LPP: variants seen among roughly 807,000 people sequenced by gnomAD.
LPP encodes LIM domain containing preferred translocation partner in lipoma.
LPP carries 38 observed loss-of-function variants against 60.4 expected under a neutral mutation model. The ratio of observed to expected loss-of-function variants is 0.63; its 90% CI spans 0.49 to 0.83. LPP has a LOEUF of 0.83. Ranked by LOEUF, LPP falls within the 40% of genes least tolerant of loss-of-function variation. The pLI, the probability that LPP is intolerant of heterozygous loss-of-function variation, is 0.00. For missense variants in LPP, 902 were observed against 783.6 expected, an observed-to-expected ratio of 1.15 and a Z score of -1.80; for synonymous variants, 328 against 290.8, an observed-to-expected ratio of 1.13 and a Z score of -1.30.
intron 2 of LPP, among the ~76,000 whole-genome samples, chr3:188,284,066 C>T (rs1255516990): frequency 6.6e-6 from 1 of 152,062 alleles, no homozygotes; most frequent in Non-Finnish European, 1.5e-5. Context: ...GGTTGCACTT[C>T]TCTAGGCACA....
At position 188,195,917 on chromosome 3, in the gene LPP, C is replaced by T. The variant is rs183138393; in HGVS notation, c.-189-29488C>T. Among the ~76,000 whole-genome samples, 16 of 152,258 alleles carry T rather than the reference C, an allele frequency of 1.1e-4. No homozygotes were observed. In the East Asian group the frequency reaches 1.9e-3, roughly 18 times the overall value. On this transcript the variant is annotated intron_variant, in intron 1 of 11. Coordinates refer to ENST00000617246, the MANE Select transcript of LPP (RefSeq NM_001375462.1). ...TTATACGGACATGCTTTTCTGAGAG[C>T]GTGGCATCTCGCTTCTTTACTCCTC...
intron 1 of LPP, among the ~76,000 whole-genome samples, chr3:188,162,941 G>A (rs570764520): frequency 6.6e-6 from 1 of 152,224 alleles, no homozygotes; most frequent in South Asian, 2.1e-4. Flanking sequence ...TTTTCTCCAC[G>A]TATTCATTTT....
intron 2 of LPP, among the ~76,000 whole-genome samples, chr3:188,241,186 A>C (rs1724603303): frequency 6.6e-6 from 1 of 152,200 alleles, no homozygotes; most frequent in Admixed American, 6.5e-5. Flanking sequence ...GGTGGTGGGT[A>C]TGGATAGAAC....
intron 3 of LPP, among the ~76,000 whole-genome samples, chr3:188,355,335 G>A (rs1767288712): frequency 6.6e-6 from 1 of 152,116 alleles, no homozygotes; most frequent in Non-Finnish European, 1.5e-5. Context: ...ATGTATGATC[G>A]TCATAATGAT....
chr3:188,287,846 A>G (rs1030977141), intron 2 of LPP, among the ~76,000 whole-genome samples: 2 of 152,158 alleles, frequency 1.3e-5, no homozygotes, highest in Admixed American at 1.3e-4. Flanking sequence ...CATGTTTAAG[A>G]TGCCATATTC....
At chr3:188,483,645 A>G (rs1287772181) in intron 4 of LPP, among the ~76,000 whole-genome samples, 2 of 152,218 alleles carry the variant, frequency 1.3e-5, no homozygotes, top group Non-Finnish European at 2.9e-5. Flanking sequence ...AACTTAGATC[A>G]CAGAGATCAG....
intron 9 of LPP, among the ~76,000 whole-genome samples, chr3:188,805,268 G>T (rs1748743471): frequency 1.3e-5 from 2 of 151,962 alleles, no homozygotes; most frequent in South Asian, 2.1e-4. Flanking sequence ...TATGGAATTG[G>T]TATTATTATT....
At chr3:188,329,088 T>A (rs1759261065) in intron 2 of LPP, among the ~76,000 whole-genome samples, 1 of 152,096 alleles carries the variant, frequency 6.6e-6, no homozygotes, top group South Asian at 2.1e-4. Flanking sequence ...ATTATGAAAA[T>A]AATTTTGAAC....
At chr3:188,649,898 G>T (rs1851764320) in intron 7 of LPP, among the ~76,000 whole-genome samples, 1 of 152,172 alleles carries the variant, frequency 6.6e-6, no homozygotes, top group Admixed American at 6.5e-5. Flanking sequence ...AATTCTTCCT[G>T]AGGGAATTCC....
rs115972163 is a variant in LPP, at chr3:188,251,597, T to C, written c.-67+26070T>C. ...TATACAAATATGTATACACAAATAC[T>C]ACTACTATTAATTTGCTAATACCAC... On this transcript the variant is annotated intron_variant, in intron 2 of 11. Transcript: ENST00000617246. Among the ~76,000 whole-genome samples the C allele has an allele frequency of 4.9e-3, 744 of 152,228 alleles. 5 individuals carry two copies. Among genetic ancestry groups the C allele is most frequent in the Non-Finnish European group, 8.0e-3 (545 of 68,002 alleles).
At chr3:188,390,413 T>C (rs927954852) in intron 3 of LPP, among the ~76,000 whole-genome samples, 3 of 152,104 alleles carry the variant, frequency 2.0e-5, no homozygotes, top group African/African-American at 7.2e-5. Flanking sequence ...CCTTCACATG[T>C]ATATCACTCT....
intron 7 of LPP, among the ~76,000 whole-genome samples, chr3:188,664,946 A>G (rs1855446889): frequency 6.6e-6 from 1 of 152,134 alleles, no homozygotes; most frequent in Non-Finnish European, 1.5e-5. Flanking sequence ...TGAGTGTGCC[A>G]GGTCTCCAGC....
chr3:188,348,886 C>CG (rs1006354158), intron 3 of LPP, among the ~76,000 whole-genome samples: 3 of 142,924 alleles, frequency 2.1e-5, no homozygotes, highest in Admixed American at 2.1e-4. Context: ...TAGCGGGGTC[C>CG]GGGGGGCGGG....
At chr3:188,317,791 G>A (rs995325146) in intron 2 of LPP, among the ~76,000 whole-genome samples, 15 of 56,842 alleles carry the variant, frequency 2.6e-4, no homozygotes, top group African/African-American at 4.6e-4. Flanking sequence ...TTGAATTGGG[G>A]GGAAAAATGA....
At chr3:188,502,940 C>T (rs1315312454) in intron 5 of LPP, among the ~76,000 whole-genome samples, 1 of 152,016 alleles carries the variant, frequency 6.6e-6, no homozygotes, top group Non-Finnish European at 1.5e-5. Flanking sequence ...ATGTGTATCA[C>T]TTTTACACCA....
intron 2 of LPP, among the ~76,000 whole-genome samples, chr3:188,308,236 G>A (rs1473446803): frequency 6.6e-6 from 1 of 152,062 alleles, no homozygotes; most frequent in Admixed American, 6.6e-5. Flanking sequence ...TTCTTATGAT[G>A]AATAGTGTTA....
intron 4 of LPP, among the ~76,000 whole-genome samples, chr3:188,412,964 A>C (rs757357540): frequency 6.6e-6 from 1 of 152,110 alleles, no homozygotes; most frequent in African/African-American, 2.4e-5. Context: ...GGTTTCCTAA[A>C]TGCACTCATT....
chr3:188,524,473 C>T (rs1345521515), intron 5 of LPP, among the ~76,000 whole-genome samples, 192 bp from the exon 6 acceptor site: 2 of 151,994 alleles, frequency 1.3e-5, no homozygotes, highest in African/African-American at 4.8e-5. Flanking sequence ...TTTTATTTTT[C>T]AGTTTTCATA....
intron 4 of LPP, among the ~76,000 whole-genome samples, chr3:188,437,288 GAT>G (rs1792564804): frequency 6.6e-6 from 1 of 152,184 alleles, no homozygotes; most frequent in South Asian, 2.1e-4. Context: ...GCATTTGAAT[GAT>G]ATGCTAAGTA....
Sources: allele counts gnomAD v4.1 joint callset (sites outside exome capture counted in the v4.1 genomes callset), GRCh38; gene constraint gnomAD v4.1.1; transcripts MANE v1.5; gene names NCBI Gene and HGNC (gene_info 2026-07-23, HGNC 2026-07-21).